Variants in CHD8 observed in about 807,000 individuals in gnomAD.
CHD8 encodes chromodomain helicase DNA binding protein 8, also known as ATP-dependent chromatin remodeler CHD8.
CHD8 carries 31 observed loss-of-function variants against 279.2 expected under a neutral mutation model. That is an observed-to-expected ratio of 0.11 (90% CI 0.08 to 0.15). The LOEUF (loss-of-function observed/expected upper bound fraction) is 0.15, where lower values mean the gene tolerates loss of function less well. Among genes scored for constraint, CHD8 ranks in the 10% least tolerant of loss-of-function variants. The pLI, the probability that CHD8 is intolerant of heterozygous loss-of-function variation, is 1.00. For synonymous variants in CHD8, 1,081 were observed against 1,139.6 expected, an observed-to-expected ratio of 0.95 and a Z score of 1.04; for missense variants, 2,146 against 3,230.5, an observed-to-expected ratio of 0.66 and a Z score of 8.14.
intron 2 of CHD8, chr14:21,430,542 A>C: frequency 2.5e-6 from 1 of 393,110 alleles, no homozygotes; most frequent in Non-Finnish European, 4.6e-6. Context: ...TGAGCTCTGT[A>C]AGGACAGGGA....
Position 21,405,602 on chromosome 14 carries a change from G to T in CHD8, c.3051+119C>A. ...TTGGATGATGCCACAAATGATGTAG[G>T]CACAAGGTTATAAGGAGTTCAGAAA... On this transcript the variant is annotated intron_variant, in intron 15 of 37. Transcript: ENST00000646647. The surrounding 1 kb of genome is among the most constrained non-coding windows in gnomAD (Gnocchi z 4.2). The T allele has an allele frequency of 2.1e-6, 3 of 1,456,908 alleles. No individual in the cohort carries two copies. The highest frequency in any genetic ancestry group is 2.8e-6 in the Non-Finnish European group (3 of 1,071,980). The allele number at this position is 1,456,908 out of a possible 1,614,324, so 90.2% of individuals were successfully genotyped here.
intron 5 of CHD8, among the ~76,000 whole-genome samples, chr14:21,417,482 G>T (rs1463061353): frequency 6.6e-6 from 1 of 152,152 alleles, no homozygotes; most frequent in Non-Finnish European, 1.5e-5. Context: ...TTGGGAGACT[G>T]AGGTGGCAGG....
chr14:21,394,512 T>C, intron 30 of CHD8, 27 bp from the exon 31 acceptor site: 1 of 1,443,732 alleles, frequency 6.9e-7, no homozygotes. Context: ...AGGGCAACAA[T>C]AATCAGAAGA....
intron 4 of CHD8, chr14:21,426,897 A>C (rs555764939): frequency 6.6e-6 from 1 of 152,428 alleles, no homozygotes; most frequent in African/African-American, 2.4e-5. Context: ...AGATGCAAGA[A>C]CAGGACAGCT....
At chr14:21,430,190 G>T (rs1290080302) in intron 2 of CHD8, 4 of 155,292 alleles carry the variant, frequency 2.6e-5, no homozygotes, top group African/African-American at 9.7e-5. Flanking sequence ...AGCCTCCTGA[G>T]TAGCTGGGAT....
intron 28 of CHD8, 55 bp from the exon 29 acceptor site, chr14:21,395,407 T>A: frequency 4.7e-6 from 6 of 1,286,184 alleles, no homozygotes; most frequent in African/African-American, 1.5e-5. Context: ...GGGGGGGAAG[T>A]TGGCACTCTG....
At chr14:21,397,491 A>C (rs1201730786) in intron 27 of CHD8, 3 of 405,406 alleles carry the variant, frequency 7.4e-6, no homozygotes, top group Non-Finnish European at 1.5e-5. Flanking sequence ...GCTCTTCCAC[A>C]GAAGCAACGT....
intron 1 of CHD8, among the ~76,000 whole-genome samples, chr14:21,443,973 G>A (rs1890053910): frequency 6.6e-6 from 1 of 151,806 alleles, no homozygotes; most frequent in South Asian, 2.1e-4. Flanking sequence ...GTCCATGTGA[G>A]TTTTCATAGC....
chr14:21,445,354 G>A (rs1363841981), intron 1 of CHD8, among the ~76,000 whole-genome samples: 2 of 149,808 alleles, frequency 1.3e-5, no homozygotes, highest in South Asian at 2.1e-4. Flanking sequence ...GGTGGATCAC[G>A]AGGTCAGGAA....
intron 16 of CHD8, among the ~76,000 whole-genome samples, chr14:21,404,438 T>C (rs1319077864): frequency 6.7e-6 from 1 of 148,724 alleles, no homozygotes; most frequent in Non-Finnish European, 1.5e-5. Flanking sequence ...CATCCTCAGA[T>C]GTGTCATACA....
chr14:21,452,856 C>T (rs1350609959), intron 1 of CHD8, among the ~76,000 whole-genome samples: 7 of 150,758 alleles, frequency 4.6e-5, no homozygotes, highest in Middle Eastern at 3.5e-3. Flanking sequence ...TGGTGGTGCG[C>T]GCCTGTAGTC....
intron 13 of CHD8, among the ~76,000 whole-genome samples, chr14:21,407,861 G>A (rs755033522): frequency 6.6e-6 from 1 of 152,094 alleles, no homozygotes; most frequent in Non-Finnish European, 1.5e-5. Context: ...AGCCCACCTC[G>A]GCCTCCCAAA....
At chr14:21,391,700 G>C (rs1055935946) in intron 35 of CHD8, 58 bp from the exon 36 acceptor site, 7 of 1,501,978 alleles carry the variant, frequency 4.7e-6, no homozygotes, top group Non-Finnish European at 6.4e-6. Context: ...GAGGGAGGGA[G>C]GGGGAGCAGG....
Position 21,385,593 on chromosome 14 carries a change from A to G in CHD8, c.*20T>C, listed in dbSNP as rs754091661. ...TGAAAATACAGCAGCCGCCCAAGCAATGGGGCCCATGCTGGGGCTTCAGTC... is the reference window on the plus strand; with the variant it reads ...TGAAAATACAGCAGCCGCCCAAGCAGTGGGGCCCATGCTGGGGCTTCAGTC... On this transcript the variant is annotated 3_prime_UTR_variant, in exon 38 of 38. Transcript: ENST00000646647. The G allele has an allele frequency of 1.9e-5, 29 of 1,544,208 alleles. No homozygotes were observed. The highest frequency in any genetic ancestry group is 1.7e-4 in the Middle Eastern group (1 of 5,966).
chr14:21,434,983 T>C (rs752556281), intron 1 of CHD8, among the ~76,000 whole-genome samples: 12 of 152,164 alleles, frequency 7.9e-5, no homozygotes, highest in Non-Finnish European at 1.3e-4. Flanking sequence ...ATAGCAAAAA[T>C]GAACAGATGT....
chr14:21,414,162 A>G (rs1888622008), intron 9 of CHD8, 139 bp downstream of exon 9: 1 of 604,254 alleles, frequency 1.7e-6, no homozygotes. Flanking sequence ...AAGTAAGGGA[A>G]GTCAATGACC....
At position 21,415,763 on chromosome 14, in the gene CHD8, G is replaced by C. The variant is rs746637522; in HGVS notation, c.1861C>G (p.Pro621Ala). 1.2e-6 allele frequency: 2 copies of C among 1,613,856 alleles called. No homozygotes were observed. Among genetic ancestry groups the C allele is most frequent in the Non-Finnish European group, 8.5e-7 (1 of 1,179,802 alleles). Reference sequence around the variant, plus strand: ...ATGGAAGGCAAAGTCTCGCCATCTGGTTCTTGCACTGGTTCAGGGAGGATA... The same window carrying C: ...ATGGAAGGCAAAGTCTCGCCATCTGCTTCTTGCACTGGTTCAGGGAGGATA... ...EPILPEPVQE[P>A]DGETLPSMQF... The change falls in exon 6 of 38, where the codon CCA (proline) becomes GCA (alanine). Residue 621 changes from proline to alanine, a missense_variant. Coordinates refer to ENST00000646647, the MANE Select transcript of CHD8 (RefSeq NM_001170629.2).
Position 21,385,646 on chromosome 14 carries a change from A to C in CHD8, c.7713T>G (p.Ala2571=). 1 of 1,551,896 alleles carries C rather than the reference A, an allele frequency of 6.4e-7. No individual in the cohort carries two copies. The highest frequency in any genetic ancestry group is 8.7e-7 in the Non-Finnish European group (1 of 1,147,018). The change falls in exon 38 of 38, where the codon GCT becomes GCG. Residue 2571 remains alanine (A), a synonymous_variant. Coordinates refer to ENST00000646647, the MANE Select transcript of CHD8 (RefSeq NM_001170629.2). ...FSLIDDPMMP[A]NSDSSEDADD Reference sequence around the variant, plus strand: ...CAGCATCTTCACTGGAGTCTGAGTTAGCTGGCATCATAGGATCATCAATGA... The same window carrying C: ...CAGCATCTTCACTGGAGTCTGAGTTCGCTGGCATCATAGGATCATCAATGA...
intron 32 of CHD8, 49 bp from the exon 33 acceptor site, chr14:21,393,303 T>A: frequency 6.2e-7 from 1 of 1,607,118 alleles, no homozygotes; most frequent in Non-Finnish European, 8.5e-7. Context: ...AAGAATAATG[T>A]CATATGGTAA....
Sources: allele counts gnomAD v4.1 joint callset (sites outside exome capture counted in the v4.1 genomes callset), GRCh38; gene constraint gnomAD v4.1.1; non-coding constraint Gnocchi (gnomAD v3.1); transcripts MANE v1.5; gene names NCBI Gene and HGNC (gene_info 2026-07-23, HGNC 2026-07-21).